The following STK31 variants were observed in gnomAD, a reference collection of about 807,000 sequenced individuals.
The protein encoded by STK31 is serine/threonine kinase 31.
Under a neutral mutation model 129.7 loss-of-function variants are expected in STK31, and 89 were observed. The ratio of observed to expected loss-of-function variants is 0.69; its 90% confidence interval spans 0.58 to 0.82. The LOEUF (loss-of-function observed/expected upper bound fraction) is 0.82. Ranked by LOEUF, STK31 falls within the 40% of genes least tolerant of loss-of-function variation. The pLI, the probability that STK31 is intolerant of heterozygous loss-of-function variation, is 0.00. For missense variants in STK31, 1,187 were observed against 1,176.4 expected (o/e 1.01, Z -0.13); for synonymous variants, 448 against 395.3 (o/e 1.13, Z -1.58).
intron 10 of STK31, 101 bp downstream of exon 10, chr7:23,754,575 ATG>A (rs1788937607): frequency 7.6e-7 from 1 of 1,317,204 alleles, no homozygotes; most frequent in African/African-American, 1.5e-5. Context: ...CATGTGCAGA[ATG>A]TGCAGATTTG....
At chr7:23,746,242 G>A (rs1788345725) in intron 8 of STK31, among the ~76,000 whole-genome samples, 1 of 151,898 alleles carries the variant, frequency 6.6e-6, no homozygotes, top group Non-Finnish European at 1.5e-5. Flanking sequence ...GCAGCTCTCT[G>A]TGTCTCAGAG....
chr7:23,806,190 T>C (rs559006900), intron 22 of STK31, among the ~76,000 whole-genome samples: 21 of 152,332 alleles, frequency 1.4e-4, no homozygotes, highest in African/African-American at 4.6e-4. Flanking sequence ...CCTTGTATCA[T>C]ATTATTCCCC....
chr7:23,729,259 G>A lies in STK31; in HGVS notation c.483+10G>A, dbSNP rs145333948. The A allele has an allele frequency of 7.9e-4, 1,225 of 1,559,752 alleles. 11 individuals are homozygous for A. The African/African-American group carries it at 0.015, about 19-fold the overall frequency. On this transcript the variant is annotated intron_variant, in intron 6 of 23. Transcript: ENST00000355870. The stretch of plus-strand genomic sequence containing the variant: ...TACCCAGTTTGATCAGGCAAGTCAC[G>A]TATTTTAAATATTTTTGCTAATGAA...
chr7:23,791,080 A>G (rs1157602479), intron 22 of STK31, 134 bp downstream of exon 22: 2 of 958,400 alleles, frequency 2.1e-6, no homozygotes, highest in African/African-American at 1.7e-5. Flanking sequence ...AACAAAAACT[A>G]TTGATATGCT....
chr7:23,798,287 G>C (rs113617020), intron 22 of STK31, among the ~76,000 whole-genome samples: 3,749 of 152,192 alleles, frequency 0.025, 85 homozygotes, highest in African/African-American at 0.061. Flanking sequence ...ACGTGCCAGA[G>C]ACACAACAAA....
At chr7:23,725,809 T>C (rs1420441753) in intron 4 of STK31, 1 of 152,244 alleles carries the variant, frequency 6.6e-6, no homozygotes, top group Non-Finnish European at 1.5e-5. Flanking sequence ...TAAAATAGTA[T>C]GATTTTAAGT....
intron 8 of STK31, among the ~76,000 whole-genome samples, chr7:23,747,458 C>T (rs1457020836): frequency 6.6e-6 from 1 of 152,154 alleles, no homozygotes; most frequent in Non-Finnish European, 1.5e-5. Context: ...CAAGCCCCAC[C>T]TCCTGGGTTC....
Position 23,826,936 on chromosome 7 carries a change from G to T in STK31, c.2830-5200G>T, listed in dbSNP as rs1311069210. On this transcript the variant is annotated intron_variant, in intron 23 of 23. Coordinates refer to ENST00000355870, the MANE Select transcript of STK31 (RefSeq NM_031414.5). ...GAATATTGGCCCCCACTCTCTTCTG[G>T]CTTGTAGAGTTTCTGCTGAGAGATT... Among the ~76,000 whole-genome samples the T allele has an allele frequency of 2.6e-5, 4 of 152,114 alleles. No homozygotes were observed. The East Asian group carries it at 5.8e-4, about 22-fold the overall frequency.
At chr7:23,772,886 CA>C (rs1274256311) in intron 15 of STK31, among the ~76,000 whole-genome samples, 1 of 152,052 alleles carries the variant, frequency 6.6e-6, no homozygotes, top group African/African-American at 2.4e-5. Flanking sequence ...TGCCTTAATC[CA>C]ATTTGAATTA....
chr7:23,796,050 G>C (rs1348137387), intron 22 of STK31, among the ~76,000 whole-genome samples: 1 of 152,220 alleles, frequency 6.6e-6, no homozygotes, highest in Non-Finnish European at 1.5e-5. Context: ...TTTTTGAAAT[G>C]TGAAGACATG....
At chr7:23,755,310 C>T (rs1788999629) in intron 10 of STK31, 1 of 152,122 alleles carries the variant, frequency 6.6e-6, no homozygotes, top group South Asian at 2.1e-4. Context: ...TGAGAAGTGC[C>T]TCTTCATATC....
intron 3 of STK31, among the ~76,000 whole-genome samples, chr7:23,713,818 C>T (rs1263142351): frequency 1.3e-5 from 2 of 151,716 alleles, no homozygotes; most frequent in East Asian, 3.9e-4. Context: ...GTACAGTTAA[C>T]TTTTTTAAAT....
chr7:23,786,482 A>C (rs1441793330), intron 18 of STK31, 26 bp from the exon 19 acceptor site: 2 of 1,571,600 alleles, frequency 1.3e-6, no homozygotes, highest in African/African-American at 2.7e-5. Flanking sequence ...TCTTGGAATT[A>C]CGAGTGCCTC....
rs755169270 is a variant in STK31, at chr7:23,710,278, A to T, written c.-8A>T. ...GTGCTACGGCGGGCGGAGGGCCGAA[A>T]GTCCAGTATGTGGGTCCAGGGTCAC... On this transcript the variant is annotated 5_prime_UTR_variant, in exon 1 of 24. It adds an upstream start codon to the 5' untranslated region. Transcript: ENST00000355870. The T allele has an allele frequency of 1.2e-6, 2 of 1,612,202 alleles. No homozygotes were observed. Among genetic ancestry groups the T allele is most frequent in the Non-Finnish European group, 1.7e-6 (2 of 1,179,848 alleles).
At chr7:23,717,613 C>A in intron 4 of STK31, 34 bp downstream of exon 4, 1 of 1,485,280 alleles carries the variant, frequency 6.7e-7, no homozygotes, top group Non-Finnish European at 9.3e-7. Flanking sequence ...TTATTTCATT[C>A]CTCCTGTCAG....
intron 22 of STK31, chr7:23,811,103 G>T: frequency 6.2e-6 from 1 of 160,448 alleles, no homozygotes; most frequent in Non-Finnish European, 1.4e-5. Flanking sequence ...TGCCATTTAT[G>T]ATGACAGGTG....
intron 15 of STK31, 130 bp downstream of exon 15, chr7:23,772,408 T>G (rs1411741887): frequency 1.1e-6 from 1 of 920,188 alleles, no homozygotes; most frequent in Non-Finnish European, 1.6e-6. Flanking sequence ...TTGTTTTATA[T>G]ACTTTATCTT....
At chr7:23,799,533 G>A (rs539141483) in intron 22 of STK31, among the ~76,000 whole-genome samples, 1 of 152,292 alleles carries the variant, frequency 6.6e-6, no homozygotes, top group South Asian at 2.1e-4. Flanking sequence ...GGGAAAACTG[G>A]CTAGCCATAT....
intron 15 of STK31, among the ~76,000 whole-genome samples, chr7:23,774,539 T>G (rs1322317705): frequency 6.6e-6 from 1 of 152,244 alleles, no homozygotes; most frequent in African/African-American, 2.4e-5. Flanking sequence ...CCAGTGATGA[T>G]GAGCATTTTT....
Sources: gnomAD v4.1 joint callset for allele counts (sites outside exome capture counted in the v4.1 genomes callset) on GRCh38, gnomAD v4.1.1 for gene constraint, MANE v1.5 for transcripts, NCBI Gene and HGNC (gene_info 2026-07-23, HGNC 2026-07-21) for gene names.